CACNA2D1: variants seen among roughly 807,000 people sequenced by gnomAD.
The protein encoded by CACNA2D1 is voltage-dependent calcium channel subunit alpha-2/delta-1.
CACNA2D1 carries 53 observed loss-of-function variants against 171.5 expected under a neutral mutation model. The ratio of observed to expected loss-of-function variants is 0.31; its 90% confidence interval spans 0.25 to 0.39. CACNA2D1 has a LOEUF of 0.39. Among genes scored for constraint, CACNA2D1 ranks in the 10% least tolerant of loss-of-function variants. CACNA2D1 has a pLI of 1.00. For synonymous variants in CACNA2D1, 442 were observed against 443.1 expected, an observed-to-expected ratio of 1.00 and a Z score of 0.03; for missense variants, 903 against 1,299.8, an observed-to-expected ratio of 0.69 and a Z score of 4.69.
intron 3 of CACNA2D1, among the ~76,000 whole-genome samples, chr7:82,225,758 C>T (rs573203789): frequency 1.3e-5 from 2 of 152,262 alleles, no homozygotes; most frequent in African/African-American, 4.8e-5. Flanking sequence ...TGGTTTCAGT[C>T]ATTTTTTGAA....
chr7:82,437,166 T>A (rs2129459534), intron 1 of CACNA2D1, among the ~76,000 whole-genome samples: 1 of 152,280 alleles, frequency 6.6e-6, no homozygotes, highest in Non-Finnish European at 1.5e-5. Context: ...AAACACATTT[T>A]AAAATTTTTC....
chr7:82,224,327 CCTGTAATGCCAG>C (rs1213171435), intron 3 of CACNA2D1, among the ~76,000 whole-genome samples: 5 of 152,182 alleles, frequency 3.3e-5, no homozygotes, highest in African/African-American at 1.2e-4. Context: ...GTGGCTCACG[CCTGTAATGCCAG>C]CACTTTGGGA....
rs1791650026 is a variant in CACNA2D1, at chr7:82,136,643, C to T, written c.388G>A (p.Asp130Asn). The change falls in exon 5 of 39, where the codon GAT becomes AAT. Residue 130 changes from aspartate to asparagine, a missense_variant. By Grantham distance (23) the Asp-to-Asn change is conservative. Transcript: ENST00000356860. ...NEVVYYNAKD[D>N]LDPEKNDSEP... Reference sequence around the variant, plus strand: ...AAACATTTAATACTCACATCGAGATCATCCTTTGCATTGTAGTAGACAACT... The same window carrying T: ...AAACATTTAATACTCACATCGAGATTATCCTTTGCATTGTAGTAGACAACT... 6.3e-7 allele frequency: 1 copy of T among 1,590,792 alleles called. No individual in the cohort carries two copies. The highest frequency in any genetic ancestry group is 8.6e-7 in the Non-Finnish European group (1 of 1,166,408).
At chr7:82,237,834 A>T (rs1803790210) in intron 3 of CACNA2D1, among the ~76,000 whole-genome samples, 1 of 152,056 alleles carries the variant, frequency 6.6e-6, no homozygotes, top group South Asian at 2.1e-4. Context: ...CATAAAACAC[A>T]TTAGCACAAG....
chr7:81,996,508 G>A (rs1798060577), intron 19 of CACNA2D1, among the ~76,000 whole-genome samples: 1 of 151,766 alleles, frequency 6.6e-6, no homozygotes, highest in African/African-American at 2.4e-5. Context: ...CTACTTATTA[G>A]CTGAAGAACT....
chr7:82,240,451 A>G (rs1804122337), intron 3 of CACNA2D1, among the ~76,000 whole-genome samples: 1 of 152,198 alleles, frequency 6.6e-6, no homozygotes, highest in Non-Finnish European at 1.5e-5. Flanking sequence ...TGTGAGTTTA[A>G]AAAACTATTA....
At chr7:82,088,066 G>A (rs1810692724) in intron 6 of CACNA2D1, among the ~76,000 whole-genome samples, 1 of 152,120 alleles carries the variant, frequency 6.6e-6, no homozygotes, top group South Asian at 2.1e-4. Context: ...TGTGGGTAGA[G>A]TTTATTTAGG....
intron 3 of CACNA2D1, among the ~76,000 whole-genome samples, chr7:82,212,296 C>G (rs1800639679): frequency 1.3e-5 from 2 of 152,122 alleles, no homozygotes; most frequent in Admixed American, 1.3e-4. Flanking sequence ...TAAAATGAAT[C>G]ATTTTTTAGG....
At chr7:82,168,997 C>T (rs1795746528) in intron 4 of CACNA2D1, among the ~76,000 whole-genome samples, 1 of 151,998 alleles carries the variant, frequency 6.6e-6, no homozygotes, top group Admixed American at 6.6e-5. Flanking sequence ...CATGATCTAG[C>T]CATACATCTA....
At chr7:82,365,478 T>C (rs1292146517) in intron 1 of CACNA2D1, among the ~76,000 whole-genome samples, 1 of 152,242 alleles carries the variant, frequency 6.6e-6, no homozygotes, top group African/African-American at 2.4e-5. Flanking sequence ...CAATTTATTC[T>C]CAGGAAAATA....
intron 1 of CACNA2D1, among the ~76,000 whole-genome samples, chr7:82,436,104 T>C (rs1233663587): frequency 6.6e-6 from 1 of 152,220 alleles, no homozygotes; most frequent in Non-Finnish European, 1.5e-5. Flanking sequence ...ATTCTCAACA[T>C]GTAGCTCAGC....
intron 24 of CACNA2D1, 89 bp from the exon 25 acceptor site, chr7:81,974,641 T>C: frequency 1.5e-6 from 1 of 650,894 alleles, no homozygotes; most frequent in South Asian, 1.7e-5. Context: ...TTTTTTTTTT[T>C]ATTAGCCACA....
chr7:82,434,054 A>C (rs549752013), intron 1 of CACNA2D1, among the ~76,000 whole-genome samples: 1 of 152,332 alleles, frequency 6.6e-6, no homozygotes, highest in Non-Finnish European at 1.5e-5. Flanking sequence ...ATCCCTCGCA[A>C]CCATTCAACA....
chr7:82,301,628 C>T (rs539857965), intron 3 of CACNA2D1, among the ~76,000 whole-genome samples: 2 of 151,588 alleles, frequency 1.3e-5, no homozygotes, highest in Non-Finnish European at 2.9e-5. Context: ...AAATTTGATA[C>T]CTAATTTTCA....
At chr7:82,346,194 T>C (rs1318444001) in intron 2 of CACNA2D1, among the ~76,000 whole-genome samples, 1 of 152,220 alleles carries the variant, frequency 6.6e-6, no homozygotes, top group Non-Finnish European at 1.5e-5. Context: ...AGAGTCACCC[T>C]GCCAGTCCTA....
In CACNA2D1 at chr7:82,405,160, A is replaced by G. The variant is rs555662610; in HGVS notation, c.95+38205T>C. ...AAGTCACTGTTCTTGGGATTTCTGG[A>G]CACAAAACATGCTCAGTAATGGAGG... On this transcript the variant is annotated intron_variant, in intron 1 of 38. Coordinates refer to ENST00000356860, the MANE Select transcript of CACNA2D1 (RefSeq NM_000722.4). Among the ~76,000 whole-genome samples the G allele has an allele frequency of 2.6e-5, 4 of 152,304 alleles. No homozygotes were observed. In the South Asian group the frequency reaches 6.2e-4, roughly 24 times the overall value.
intron 3 of CACNA2D1, among the ~76,000 whole-genome samples, chr7:82,172,173 G>A (rs1796085927): frequency 6.6e-6 from 1 of 151,992 alleles, no homozygotes; most frequent in African/African-American, 2.4e-5. Context: ...TAAGAAGCTA[G>A]GAAATGTTAG....
chr7:82,053,487 TAAC>T (rs1478890623), intron 10 of CACNA2D1, among the ~76,000 whole-genome samples: 1 of 152,104 alleles, frequency 6.6e-6, no homozygotes, highest in Non-Finnish European at 1.5e-5. Context: ...AGTGTACAGT[TAAC>T]AAAACTTCAG....
intron 3 of CACNA2D1, among the ~76,000 whole-genome samples, chr7:82,275,264 G>A (rs552867064): frequency 6.6e-6 from 1 of 152,158 alleles, no homozygotes; most frequent in Admixed American, 6.5e-5. Context: ...AAAAAGAACT[G>A]GAAACAATAC....
Sources: allele counts gnomAD v4.1 joint callset (sites outside exome capture counted in the v4.1 genomes callset), GRCh38; gene constraint gnomAD v4.1.1; transcripts MANE v1.5; gene names NCBI Gene and HGNC (gene_info 2026-07-23, HGNC 2026-07-21).